The following XKR9 variants were observed in gnomAD, a reference collection of about 807,000 sequenced individuals.
The protein encoded by XKR9 is XK related 9, also known as XK-related protein 9.
XKR9 carries 32 observed loss-of-function variants against 32.0 expected under a neutral mutation model. The observed-to-expected ratio is 1.00, with a 90% CI of 0.76 to 1.34. The LOEUF (loss-of-function observed/expected upper bound fraction) is 1.34. XKR9 is among the 40% of genes most tolerant of loss of function. XKR9 has a pLI of 0.00. For synonymous variants in XKR9, 168 were observed against 143.4 expected (o/e 1.17, Z -1.22); for missense variants, 546 against 429.7 (o/e 1.27, Z -2.39).
chr8:70,885,243 G>C, the XKR9 span, among the ~76,000 whole-genome samples: 6 of 151,866 alleles, frequency 4.0e-5, no homozygotes, highest in African/African-American at 1.5e-4. Context: ...CTGCAAACTT[G>C]GTTGGTTCAT....
chr8:71,065,602 A>G, the XKR9 span, among the ~76,000 whole-genome samples: 1 of 152,250 alleles, frequency 6.6e-6, no homozygotes. Context: ...TAAAGACAAT[A>G]GTTTACTTTG....
chr8:71,002,968 G>C, the XKR9 span, among the ~76,000 whole-genome samples: 1 of 152,244 alleles, frequency 6.6e-6, no homozygotes, highest in Non-Finnish European at 1.5e-5. Context: ...TCTGCAGGCT[G>C]TGAGGAGATG....
the XKR9 span, among the ~76,000 whole-genome samples, chr8:70,945,812 C>T: frequency 3.3e-5 from 5 of 152,148 alleles, no homozygotes; most frequent in Admixed American, 6.6e-5. Context: ...CAGCCAGCAG[C>T]CCATTGACTT....
the XKR9 span, among the ~76,000 whole-genome samples, chr8:70,997,578 A>G: frequency 8.5e-5 from 13 of 152,158 alleles, no homozygotes; most frequent in Middle Eastern, 3.4e-3. Context: ...ATGTAAAGGC[A>G]TAAGGATTAT....
At chr8:70,776,923 T>TTCTTTCTCTCTCTCTCTCTC (rs1554556844) in intron 2 of XKR9, among the ~76,000 whole-genome samples, 2 of 59,620 alleles carry the variant, frequency 3.4e-5, no homozygotes, top group African/African-American at 1.5e-4. Context: ...TTCTCTTTCT[T>TTCTTTCTCTCTCTCTCTCTC]TCTCTCTCTC....
At chr8:70,953,146 C>T in the XKR9 span, among the ~76,000 whole-genome samples, 1 of 151,600 alleles carries the variant, frequency 6.6e-6, no homozygotes, top group African/African-American at 2.4e-5. Flanking sequence ...TTTCTTCCTT[C>T]AACTACATTA....
At chr8:71,009,996 A>G in the XKR9 span, among the ~76,000 whole-genome samples, 2 of 152,228 alleles carry the variant, frequency 1.3e-5, no homozygotes, top group Admixed American at 6.5e-5. Flanking sequence ...GTACGGCATC[A>G]TCTGCTCAGC....
At chr8:70,776,176 G>C (rs1194099724) in intron 2 of XKR9, among the ~76,000 whole-genome samples, 1 of 152,072 alleles carries the variant, frequency 6.6e-6, no homozygotes, top group Non-Finnish European at 1.5e-5. Flanking sequence ...CTCTTTGCAA[G>C]TGAAGTCATC....
intron 2 of XKR9, among the ~76,000 whole-genome samples, chr8:70,752,782 T>C (rs1226959886): frequency 2.0e-5 from 3 of 151,858 alleles, no homozygotes; most frequent in Non-Finnish European, 4.4e-5. Flanking sequence ...TAGAGGGAAA[T>C]TTATAGCACT....
At chr8:70,831,268 G>A in the XKR9 span, among the ~76,000 whole-genome samples, 1 of 148,664 alleles carries the variant, frequency 6.7e-6, no homozygotes, top group African/African-American at 2.5e-5. Context: ...TCTAGCCTGG[G>A]TGACAGAGCT....
the XKR9 span, among the ~76,000 whole-genome samples, chr8:70,957,402 G>A: frequency 2.0e-5 from 3 of 151,966 alleles, no homozygotes; most frequent in Non-Finnish European, 4.4e-5. Flanking sequence ...TAAGTTTAGG[G>A]GTACATGTGC....
chr8:70,776,919 T>C lies in XKR9; in HGVS notation n.353-12420T>C, dbSNP rs72667771. Among the ~76,000 whole-genome samples, 196 of 69,414 alleles carry C rather than the reference T, an allele frequency of 2.8e-3. 2 individuals carry two copies. The highest frequency in any genetic ancestry group is 3.4e-3 in the Non-Finnish European group (133 of 38,852). The allele number at this position is 69,414 out of a possible 152,430, so 45.5% of individuals were successfully genotyped here. A position where few individuals can be genotyped will look rare whatever the true frequency, so the allele number is the denominator to read the frequency against. On this transcript the variant is annotated intron_variant and non_coding_transcript_variant, in intron 2 of 3. Coordinates refer to the XKR9 transcript ENST00000520273. ...ACCTTGCATTTAGCAGGTTTTCTCTTTCTTTCTCTCTCTCTCTCTCTCTCT... is the reference window on the plus strand; with the variant it reads ...ACCTTGCATTTAGCAGGTTTTCTCTCTCTTTCTCTCTCTCTCTCTCTCTCT...
the XKR9 span, among the ~76,000 whole-genome samples, chr8:71,028,264 T>C: frequency 6.6e-6 from 1 of 152,254 alleles, no homozygotes; most frequent in East Asian, 1.9e-4. Flanking sequence ...GTTTTTAGTA[T>C]ACAGGTCTTT....
At chr8:70,808,866 G>A in the XKR9 span, among the ~76,000 whole-genome samples, 12 of 152,336 alleles carry the variant, frequency 7.9e-5, no homozygotes, top group East Asian at 7.7e-4. Flanking sequence ...TCCACCACTG[G>A]GGGCAGGGCA....
chr8:71,028,280 C>T, the XKR9 span, among the ~76,000 whole-genome samples: 86 of 152,214 alleles, frequency 5.6e-4, no homozygotes, highest in African/African-American at 1.9e-3. Context: ...TCTTTCACCT[C>T]GTTAGTTAAG....
chr8:70,809,922 T>C, the XKR9 span, among the ~76,000 whole-genome samples: 1 of 152,102 alleles, frequency 6.6e-6, no homozygotes, highest in African/African-American at 2.4e-5. Flanking sequence ...AACATTCAGA[T>C]TCAGGAAATA....
chr8:70,838,838 G>C, the XKR9 span, among the ~76,000 whole-genome samples: 1 of 151,978 alleles, frequency 6.6e-6, no homozygotes, highest in Admixed American at 6.6e-5. Context: ...CTCTACAAAA[G>C]TAGAAAAAAC....
At chr8:70,865,124 G>A in the XKR9 span, among the ~76,000 whole-genome samples, 1 of 152,152 alleles carries the variant, frequency 6.6e-6, no homozygotes, top group African/African-American at 2.4e-5. Context: ...ACCCTGGAAA[G>A]GGGGGTTGAA....
At chr8:70,717,189 C>T (rs773418499) in intron 4 of XKR9, among the ~76,000 whole-genome samples, 1 of 152,326 alleles carries the variant, frequency 6.6e-6, no homozygotes, top group East Asian at 1.9e-4. Context: ...TTCCCAGGTG[C>T]ACTGTGCAAG....
Sources: allele counts gnomAD v4.1 joint callset (sites outside exome capture counted in the v4.1 genomes callset), GRCh38; gene constraint gnomAD v4.1.1; transcripts MANE v1.5; gene names NCBI Gene and HGNC (gene_info 2026-07-23, HGNC 2026-07-21).